The following CCNB1 variants were observed in gnomAD, a reference collection of about 807,000 sequenced individuals.
The protein encoded by CCNB1 is cyclin B1, also known as G2/mitotic-specific cyclin-B1.
In CCNB1, 26 loss-of-function variants were observed where a neutral mutation model predicts 44.4. That is an observed-to-expected ratio of 0.59 (90% CI 0.43 to 0.81). The LOEUF (loss-of-function observed/expected upper bound fraction) is 0.81. Among genes scored for constraint, CCNB1 ranks in the 40% least tolerant of loss-of-function variants. The pLI is 0.00. For synonymous variants in CCNB1, 195 were observed against 181.4 expected (o/e 1.08, Z -0.60); for missense variants, 477 against 520.9 (o/e 0.92, Z 0.82).
intron 7 of CCNB1, among the ~76,000 whole-genome samples, chr5:69,176,609 A>G (rs1254422964): frequency 1.3e-5 from 2 of 149,572 alleles, no homozygotes; most frequent in African/African-American, 4.9e-5. Flanking sequence ...TGACCTCGTG[A>G]TCCGCCCACC....
At chr5:69,168,410 C>G in intron 3 of CCNB1, 67 bp downstream of exon 3, 1 of 1,540,586 alleles carries the variant, frequency 6.5e-7, no homozygotes. Context: ...CTGATACATG[C>G]AAGAGCATTC....
chr5:69,167,937 G>A lies in CCNB1; in HGVS notation c.51G>A (p.Ala17=). 6.2e-7 allele frequency: 1 copy of A among 1,611,078 alleles called. No individual in the cohort carries two copies. Among genetic ancestry groups the A allele is most frequent in the Admixed American group, 1.7e-5 (1 of 58,628 alleles). Residue 17 remains alanine (A), a synonymous_variant, in exon 2 of 9, where the codon GCG becomes GCA. Coordinates refer to ENST00000256442, the MANE Select transcript of CCNB1 (RefSeq NM_031966.4). ...RNSKINAENK[A]KINMAGAKRV... is the part of the protein sequence containing the mutation. ...CGAAAATTAATGCTGAAAATAAGGC[G>A]AAGATCAACATGGCAGGCGCAAAGC...
rs1276120022 is a variant in CCNB1, at chr5:69,167,807, GCTTT to G, written c.22-94_22-91del. On this transcript the variant is annotated intron_variant, in intron 1 of 8. Transcript: ENST00000256442. ...TTCCCTCGGAACCCATTTTTAGTCGGCTTTCTTTCTGGGAACTTCTCCTTGTGCC... is the reference window on the plus strand; with the variant it reads ...TTCCCTCGGAACCCATTTTTAGTCGGCTTTCTGGGAACTTCTCCTTGTGCC... 8.2e-6 allele frequency: 9 copies of G among 1,101,004 alleles called. No homozygotes were observed. The Admixed American group carries it at 2.1e-4, about 25-fold the overall frequency. The allele number at this position is 1,101,004 out of a possible 1,614,324, so 68.2% of individuals were successfully genotyped here.
intron 1 of CCNB1, among the ~76,000 whole-genome samples, 153 bp from the exon 2 acceptor site, chr5:69,167,755 C>T (rs1052369181): frequency 1.3e-5 from 2 of 152,052 alleles, no homozygotes; most frequent in Admixed American, 1.3e-4. Context: ...TTGTCACGGC[C>T]GCAGAGTAGA....
intron 1 of CCNB1, 124 bp downstream of exon 1, chr5:69,167,407 A>C: frequency 9.0e-7 from 1 of 1,112,480 alleles, no homozygotes; most frequent in Non-Finnish European, 1.3e-6. Flanking sequence ...GGAAGGTGGG[A>C]GGGGACTCAC....
At position 69,177,257 on chromosome 5, in the gene CCNB1, T is replaced by C. The variant is rs371054269; in HGVS notation, c.1102T>C (p.Tyr368His). The change falls in exon 8 of 9, where the codon TAC becomes CAC. Residue 368 changes from tyrosine (Y) to histidine (H), a missense_variant. Transcript: ENST00000256442. Reference sequence around the variant, plus strand: ...GCCTTAGACACCAACTCTACAACATTACCTGTCATATACTGAAGAATCTCT... The same window carrying C: ...GCCTTAGACACCAACTCTACAACATCACCTGTCATATACTGAAGAATCTCT... ...NGEWTPTLQHYLSYTEESLLP... is the reference protein window; with the variant it reads ...NGEWTPTLQHHLSYTEESLLP... The C allele has an allele frequency of 1.9e-6, 3 of 1,604,410 alleles. No individual in the cohort carries two copies. The highest frequency in any genetic ancestry group is 2.6e-6 in the Non-Finnish European group (3 of 1,172,062).
At position 69,175,554 on chromosome 5, in the gene CCNB1, A is replaced by G. The variant is rs1039609994; in HGVS notation, c.1083+17A>G. On this transcript the variant is annotated intron_variant, in intron 7 of 8. Coordinates refer to ENST00000256442, the MANE Select transcript of CCNB1 (RefSeq NM_031966.4). Reference sequence around the variant, plus strand: ...GGTGAATGGGTAAGCTGTGTCCCACAGAACTCCTAAGCTTTTAAATTTTAA... The same window carrying G: ...GGTGAATGGGTAAGCTGTGTCCCACGGAACTCCTAAGCTTTTAAATTTTAA... The G allele has an allele frequency of 3.1e-6, 5 of 1,609,776 alleles. No homozygotes were observed. Among genetic ancestry groups the G allele is most frequent in the Middle Eastern group, 1.6e-4 (1 of 6,062 alleles).
intron 1 of CCNB1, 57 bp from the exon 2 acceptor site, chr5:69,167,851 C>A: frequency 6.7e-7 from 1 of 1,494,894 alleles, no homozygotes; most frequent in South Asian, 1.3e-5. Context: ...CTTAATTAAC[C>A]CTTGACTTAC....
chr5:69,173,216 G>A (rs1441473399), intron 4 of CCNB1, among the ~76,000 whole-genome samples: 1 of 152,300 alleles, frequency 6.6e-6, no homozygotes, highest in Non-Finnish European at 1.5e-5. Context: ...GACTGATGAG[G>A]GGGAATTTAC....
intron 4 of CCNB1, among the ~76,000 whole-genome samples, chr5:69,173,676 G>A (rs1747511807): frequency 6.6e-6 from 1 of 152,184 alleles, no homozygotes; most frequent in South Asian, 2.1e-4. Context: ...ATTTGGAAGG[G>A]AGTGGACCAG....
At position 69,177,648 on chromosome 5, in the gene CCNB1, G is replaced by A. The variant is rs140912931; in HGVS notation, c.*17G>A. 2 of 1,445,716 alleles carry A rather than the reference G, an allele frequency of 1.4e-6. No homozygotes were observed. Among genetic ancestry groups the A allele is most frequent in the Admixed American group, 3.4e-5 (2 of 58,560 alleles). 89.6% of individuals were successfully genotyped at this position (1,445,716 alleles called of 1,614,324 possible). A position where few individuals can be genotyped will look rare whatever the true frequency, so the allele number is the denominator to read the frequency against. On this transcript the variant is annotated 3_prime_UTR_variant, in exon 9 of 9. Coordinates refer to ENST00000256442, the MANE Select transcript of CCNB1 (RefSeq NM_031966.4). The stretch of plus-strand genomic sequence containing the variant: ...AAGGTGTAACTTGTAAACTTGAGTT[G>A]GAGTACTATATTTACAAATAAAATT...
Position 69,174,969 on chromosome 5 carries a change from TG to T in CCNB1, c.800del (p.Gly267ValfsTer6). 1 of 1,614,170 alleles carries T rather than the reference TG, an allele frequency of 6.2e-7. No homozygotes were observed. Among genetic ancestry groups the T allele is most frequent in the Non-Finnish European group, 8.5e-7 (1 of 1,180,012 alleles). On this transcript the variant is annotated frameshift_variant, in exon 6 of 9. Transcript: ENST00000256442. LOFTEE classifies it high-confidence loss of function. ...KYEEMYPPEIGDFAFVTDNTY... is the reference protein window; with the variant it reads ...KYEEMYPPEIXDFAFVTDNTY... ...ATGAAGAAATGTACCCTCCAGAAATTGGTGACTTTGCTTTTGTGACTGACAA... is the reference window on the plus strand; with the variant it reads ...ATGAAGAAATGTACCCTCCAGAAATTGTGACTTTGCTTTTGTGACTGACAA...
At chr5:69,167,506 G>T in intron 1 of CCNB1, 1 of 566,738 alleles carries the variant, frequency 1.8e-6, no homozygotes, top group Non-Finnish European at 3.1e-6. Flanking sequence ...GAACTGGACG[G>T]ATATTGGATA....
rs761228499 is a variant in CCNB1, at chr5:69,174,372, T to C, written c.668T>C (p.Met223Thr). The C allele has an allele frequency of 6.2e-6, 10 of 1,614,102 alleles. No individual in the cohort carries two copies. The highest frequency in any genetic ancestry group is 1.1e-5 in the South Asian group (1 of 91,074). ...QMKFRLLQET[M>T]YMTVSIIDRF... ...AAATTCAGGTTGTTGCAGGAGACCA[T>C]GTACATGACTGTCTCCATTATTGAT... The change falls in exon 5 of 9, where the codon ATG becomes ACG. Residue 223 changes from methionine to threonine, a missense_variant. Met to Thr is a moderately conservative substitution (Grantham distance 81). Coordinates refer to ENST00000256442, the MANE Select transcript of CCNB1 (RefSeq NM_031966.4).
At chr5:69,171,751 G>GT (rs1349388734) in intron 4 of CCNB1, among the ~76,000 whole-genome samples, 1 of 152,140 alleles carries the variant, frequency 6.6e-6, no homozygotes, top group African/African-American at 2.4e-5. Context: ...GTTTGGAATG[G>GT]TTAAGTCCCA....
At chr5:69,173,293 G>A (rs893219120) in intron 4 of CCNB1, among the ~76,000 whole-genome samples, 3 of 152,030 alleles carry the variant, frequency 2.0e-5, no homozygotes, top group Admixed American at 6.6e-5. Context: ...TCGTACCCAC[G>A]GCTTGGGTAT....
rs540641643 is a variant in CCNB1, at chr5:69,177,437, G to A, written c.1195-87G>A. 7 of 1,263,370 alleles carry A rather than the reference G, an allele frequency of 5.5e-6. No individual in the cohort carries two copies. In the East Asian group the frequency reaches 7.0e-5, roughly 13 times the overall value. 78.3% of individuals were successfully genotyped at this position (1,263,370 alleles called of 1,614,324 possible). A position where few individuals can be genotyped will look rare whatever the true frequency, so the allele number is the denominator to read the frequency against. On this transcript the variant is annotated intron_variant, in intron 8 of 8. Coordinates refer to ENST00000256442, the MANE Select transcript of CCNB1 (RefSeq NM_031966.4). ...CAAATGCCTGGTTTATTTTTAATGA[G>A]TTAATGTTTTAAATGAATACCTGTA...
At chr5:69,170,637 A>G (rs1201968015) in intron 3 of CCNB1, among the ~76,000 whole-genome samples, 1 of 151,982 alleles carries the variant, frequency 6.6e-6, no homozygotes, top group African/African-American at 2.4e-5. Flanking sequence ...GACTCACTCT[A>G]AGTTGGCATT....
In CCNB1 at chr5:69,175,081, C is replaced by A. The variant is rs548382997; in HGVS notation, c.910C>A (p.His304Asn). 1.2e-6 allele frequency: 2 copies of A among 1,613,838 alleles called. No individual in the cohort carries two copies. Among genetic ancestry groups the A allele is most frequent in the African/African-American group, 1.3e-5 (1 of 75,060 alleles). The change falls in exon 6 of 9, where the codon CAC becomes AAC. Residue 304 changes from histidine to asparagine, a missense_variant. By Grantham distance (68) the His-to-Asn change is moderately conservative. Coordinates refer to ENST00000256442, the MANE Select transcript of CCNB1 (RefSeq NM_031966.4). ...TGGTCTGGGTCGGCCTCTACCTTTG[C>A]ACTTCCTTCGGAGAGCATCTAAGAT... Reference protein sequence around the residue: ...NFGLGRPLPLHFLRRASKIGE... With the variant: ...NFGLGRPLPLNFLRRASKIGE...
Sources: gnomAD v4.1 joint callset for allele counts (sites outside exome capture counted in the v4.1 genomes callset) on GRCh38, gnomAD v4.1.1 for gene constraint, MANE v1.5 for transcripts, NCBI Gene and HGNC (gene_info 2026-07-23, HGNC 2026-07-21) for gene names.